Variants in PDLIM5 observed in about 807,000 individuals in gnomAD.
The protein encoded by PDLIM5 is PDZ and LIM domain protein 5.
Under a neutral mutation model 64.2 loss-of-function variants are expected in PDLIM5, and 34 were observed. That is an observed-to-expected ratio of 0.53 (90% CI 0.40 to 0.71). PDLIM5 has a LOEUF of 0.71. PDLIM5 is among the 30% of genes least tolerant of loss of function. The pLI, the probability that PDLIM5 is intolerant of heterozygous loss-of-function variation, is 0.00. For missense variants in PDLIM5, 683 were observed against 733.6 expected, an observed-to-expected ratio of 0.93 and a Z score of 0.80; for synonymous variants, 253 against 269.1, an observed-to-expected ratio of 0.94 and a Z score of 0.59.
chr4:94,592,072 A>C (rs928477200), intron 7 of PDLIM5, among the ~76,000 whole-genome samples: 1 of 152,240 alleles, frequency 6.6e-6, no homozygotes, highest in Non-Finnish European at 1.5e-5. Context: ...CAAAAGGAAC[A>C]TGCATTTACT....
chr4:94,498,148 G>A (rs553280500), intron 2 of PDLIM5, among the ~76,000 whole-genome samples: 89 of 152,226 alleles, frequency 5.8e-4, no homozygotes, highest in African/African-American at 1.9e-3. Flanking sequence ...TTTAAGAAGC[G>A]GGCTCATTTG....
intron 2 of PDLIM5, among the ~76,000 whole-genome samples, chr4:94,518,674 C>G (rs1282047479): frequency 6.6e-6 from 1 of 152,124 alleles, no homozygotes; most frequent in Non-Finnish European, 1.5e-5. Context: ...AAATGCAAAT[C>G]AAAACATAGA....
At position 94,618,697 on chromosome 4, in the gene PDLIM5, TCA is replaced by T. The variant is rs113409840; in HGVS notation, c.1108+507_1108+508del. Among the ~76,000 whole-genome samples the T allele has an allele frequency of 3.2e-3, 487 of 152,312 alleles. 2 individuals are homozygous for T. The highest frequency in any genetic ancestry group is 0.011 in the African/African-American group (461 of 41,582). On this transcript the variant is annotated intron_variant, in intron 8 of 12. Coordinates refer to ENST00000317968, the MANE Select transcript of PDLIM5 (RefSeq NM_006457.5). ...AGCAGCAGGATGGAACTGCCTGGCC[TCA>T]GTTTGGAAACCTGAGTTCTCATTGA... is the stretch of plus-strand genomic sequence containing the variant.
At chr4:94,641,338 T>C (rs1740988963) in intron 9 of PDLIM5, among the ~76,000 whole-genome samples, 1 of 152,246 alleles carries the variant, frequency 6.6e-6, no homozygotes, top group African/African-American at 2.4e-5. Flanking sequence ...TATAGCATAA[T>C]GTTTCTAGGT....
At chr4:94,474,215 G>A (rs1297944383) in intron 2 of PDLIM5, among the ~76,000 whole-genome samples, 1 of 152,082 alleles carries the variant, frequency 6.6e-6, no homozygotes, top group Admixed American at 6.6e-5. Context: ...TTCAGTGGAT[G>A]ATCATTAAAA....
Position 94,617,987 on chromosome 4 carries a change from C to T in PDLIM5, c.921-17C>T. 1 of 1,449,764 alleles carries T rather than the reference C, an allele frequency of 6.9e-7. No individual in the cohort carries two copies. Among genetic ancestry groups the T allele is most frequent in the Non-Finnish European group, 9.2e-7 (1 of 1,085,146 alleles). 89.8% of individuals were successfully genotyped at this position (1,449,764 alleles called of 1,614,324 possible). On this transcript the variant is annotated splice_polypyrimidine_tract_variant and intron_variant, in intron 7 of 12. Transcript: ENST00000317968. ...TGCTACCACTTCACCAAAGATGTTTCTTTATTTCCTTTACAGTAACTCTCA... is the reference window on the plus strand; with the variant it reads ...TGCTACCACTTCACCAAAGATGTTTTTTTATTTCCTTTACAGTAACTCTCA...
chr4:94,507,395 A>G (rs1728482776), intron 2 of PDLIM5, among the ~76,000 whole-genome samples: 1 of 152,144 alleles, frequency 6.6e-6, no homozygotes. Flanking sequence ...GAAAATCTGA[A>G]GTGCAGAGTC....
At chr4:94,479,619 C>A (rs1315380133) in intron 2 of PDLIM5, among the ~76,000 whole-genome samples, 5 of 152,142 alleles carry the variant, frequency 3.3e-5, no homozygotes. Flanking sequence ...GCATGAGCCA[C>A]TGCGCCTGGC....
At chr4:94,526,931 C>T (rs1261677296) in intron 3 of PDLIM5, among the ~76,000 whole-genome samples, 1 of 150,568 alleles carries the variant, frequency 6.6e-6, no homozygotes, top group Non-Finnish European at 1.5e-5. Flanking sequence ...GATGGAGTTT[C>T]GTCATGTTGT....
intron 7 of PDLIM5, chr4:94,610,256 T>C (rs576023917): frequency 2.8e-5 from 42 of 1,514,746 alleles, no homozygotes; most frequent in Non-Finnish European, 3.6e-5. Context: ...GCTGCAGTTC[T>C]GAGCAGCGCA....
chr4:94,664,942 T>A lies in PDLIM5; in HGVS notation c.*875T>A. On this transcript the variant is annotated 3_prime_UTR_variant, in exon 13 of 13. Coordinates refer to ENST00000317968, the MANE Select transcript of PDLIM5 (RefSeq NM_006457.5). ...TTCTAGTAGGAAAGGACAATAAGAT[T>A]TTTTATCAAAATGTGTCATGCCAGT... 2.0e-6 allele frequency: 2 copies of A among 982,396 alleles called. No homozygotes were observed. The allele number at this position is 982,396 out of a possible 1,614,324, so 60.9% of individuals were successfully genotyped here. A position where few individuals can be genotyped will look rare whatever the true frequency, so the allele number is the denominator to read the frequency against.
chr4:94,611,039 G>T (rs1306795504), intron 7 of PDLIM5: 5 of 1,507,626 alleles, frequency 3.3e-6, no homozygotes, highest in Middle Eastern at 1.7e-4. Flanking sequence ...TGTGATTTTT[G>T]ACTTAAAACT....
At chr4:94,587,097 C>G in intron 7 of PDLIM5, 1 of 1,598,974 alleles carries the variant, frequency 6.3e-7, no homozygotes, top group Non-Finnish European at 8.5e-7. Context: ...TGAGCCTTGC[C>G]CCCCAAGCAG....
At chr4:94,456,829 A>T in intron 2 of PDLIM5, 3 of 1,143,826 alleles carry the variant, frequency 2.6e-6, no homozygotes, top group Non-Finnish European at 3.2e-6. Context: ...TTGGATATTT[A>T]TCAAGTGCTG....
intron 1 of PDLIM5, among the ~76,000 whole-genome samples, chr4:94,453,968 A>T (rs1374525846): frequency 6.6e-6 from 1 of 152,158 alleles, no homozygotes; most frequent in African/African-American, 2.4e-5. Flanking sequence ...ATTTTTCTTT[A>T]AAAACCAGGC....
chr4:94,536,426 C>T (rs1298375830), intron 3 of PDLIM5, among the ~76,000 whole-genome samples: 1 of 152,128 alleles, frequency 6.6e-6, no homozygotes, highest in Admixed American at 6.5e-5. Context: ...GAGAAGTACT[C>T]AATATTTCCT....
chr4:94,604,011 A>G (rs1173731388), intron 7 of PDLIM5, among the ~76,000 whole-genome samples: 1 of 152,212 alleles, frequency 6.6e-6, no homozygotes, highest in Non-Finnish European at 1.5e-5. Context: ...CTCATAGGAG[A>G]CAGCTGGGCT....
At chr4:94,630,435 C>T (rs1324624997) in intron 8 of PDLIM5, among the ~76,000 whole-genome samples, 2 of 152,020 alleles carry the variant, frequency 1.3e-5, no homozygotes, top group East Asian at 3.9e-4. Flanking sequence ...AGTCCAGTGG[C>T]GTGACCTGGG....
In PDLIM5 at chr4:94,558,040, A is replaced by G. The variant is rs200145044; in HGVS notation, c.249-15311A>G. Among the ~76,000 whole-genome samples, 4 of 151,884 alleles carry G rather than the reference A, an allele frequency of 2.6e-5. No individual in the cohort carries two copies. The East Asian group carries it at 5.8e-4, about 22-fold the overall frequency. The stretch of plus-strand genomic sequence containing the variant: ...CCCATTCAGTATGATATTGGCTGTG[A>G]GTTTGTCATAAGTAGCTCTTATTAT... On this transcript the variant is annotated intron_variant, in intron 3 of 12. Coordinates refer to ENST00000317968, the MANE Select transcript of PDLIM5 (RefSeq NM_006457.5).
Sources: allele counts gnomAD v4.1 joint callset (sites outside exome capture counted in the v4.1 genomes callset), GRCh38; gene constraint gnomAD v4.1.1; transcripts MANE v1.5; gene names NCBI Gene and HGNC (gene_info 2026-07-23, HGNC 2026-07-21).